NPC1L1: variants seen among roughly 807,000 people sequenced by gnomAD.
NPC1L1 encodes NPC1 like intracellular cholesterol transporter 1, also known as NPC1-like intracellular cholesterol transporter 1.
In NPC1L1, 98 loss-of-function variants were observed where a neutral mutation model predicts 117.0. The ratio of observed to expected loss-of-function variants is 0.84; its 90% CI spans 0.71 to 0.99. The LOEUF (loss-of-function observed/expected upper bound fraction) is 0.99. Ranked by LOEUF, NPC1L1 falls within the 50% of genes least tolerant of loss-of-function variation. The pLI, the probability that NPC1L1 is intolerant of heterozygous loss-of-function variation, is 0.00. For synonymous variants in NPC1L1, 729 were observed against 727.6 expected, an observed-to-expected ratio of 1.00 and a Z score of -0.03; for missense variants, 1,540 against 1,710.0, an observed-to-expected ratio of 0.90 and a Z score of 1.75.
intron 10 of NPC1L1, among the ~76,000 whole-genome samples, chr7:44,524,381 C>G (rs1801445462): frequency 6.6e-6 from 1 of 152,096 alleles, no homozygotes; most frequent in Admixed American, 6.6e-5. Context: ...AAACATGGCC[C>G]ATTCAAAGGG....
intron 8 of NPC1L1, 112 bp downstream of exon 8, chr7:44,533,319 T>C: frequency 7.6e-7 from 1 of 1,311,124 alleles, no homozygotes; most frequent in Non-Finnish European, 1.1e-6. Flanking sequence ...ACAATGCCCC[T>C]GTCCCCCACC....
Position 44,539,750 on chromosome 7 carries a change from A to G in NPC1L1, c.647T>C (p.Leu216Pro), listed in dbSNP as rs1802026096. 6.2e-7 allele frequency: 1 copy of G among 1,614,126 alleles called. No individual in the cohort carries two copies. Among genetic ancestry groups the G allele is most frequent in the African/African-American group, 1.3e-5 (1 of 75,044 alleles). ...CTCCAAGAGGTGGAAGGTGATGTCCAGTGGGGCCAGACCATTGCCTGTGTC... is the reference window on the plus strand; with the variant it reads ...CTCCAAGAGGTGGAAGGTGATGTCCGGTGGGGCCAGACCATTGCCTGTGTC... ...QGDTGNGLAPLDITFHLLEPG... is the reference protein window; with the variant it reads ...QGDTGNGLAPPDITFHLLEPG... Residue 216 changes from leucine to proline, a missense_variant, in exon 2 of 19, where the codon CTG becomes CCG. By Grantham distance (98) the Leu-to-Pro change is moderately conservative. Coordinates refer to ENST00000381160, the MANE Select transcript of NPC1L1 (RefSeq NM_001101648.2). This position sits in a 1 kb window ranked among gnomAD's most constrained non-coding sequence, Gnocchi z 4.4.
At chr7:44,517,040 A>G in intron 15 of NPC1L1, 106 bp from the exon 16 acceptor site, 1 of 1,440,394 alleles carries the variant, frequency 6.9e-7, no homozygotes, top group Non-Finnish European at 9.7e-7. Context: ...GCAGGCTTAT[A>G]TTGGGGTACA....
At position 44,540,161 on chromosome 7, in the gene NPC1L1, G is replaced by T; in HGVS notation, c.236C>A (p.Pro79His). Residue 79 changes from proline (P) to histidine (H), a missense_variant, in exon 2 of 19, where the codon CCC (proline) becomes CAC (histidine). Coordinates refer to ENST00000381160, the MANE Select transcript of NPC1L1 (RefSeq NM_001101648.2). ...DHLILLQKIC[P>H]RLYTGPNTQA... is the part of the protein sequence containing the mutation. Reference sequence around the variant, plus strand: ...GGTGTTGGGGCCGGTGTAGAGGCGGGGGCAGATCTTCTGTAATAGGATCAG... The same window carrying T: ...GGTGTTGGGGCCGGTGTAGAGGCGGTGGCAGATCTTCTGTAATAGGATCAG... The T allele has an allele frequency of 6.2e-7, 1 of 1,614,064 alleles. No homozygotes were observed. Among genetic ancestry groups the T allele is most frequent in the East Asian group, 2.2e-5 (1 of 44,868 alleles).
At position 44,536,544 on chromosome 7, in the gene NPC1L1, CCTT is replaced by C; in HGVS notation, c.1682-119_1682-117del. On this transcript the variant is annotated intron_variant, in intron 3 of 18. Coordinates refer to ENST00000381160, the MANE Select transcript of NPC1L1 (RefSeq NM_001101648.2). This position sits in a 1 kb window ranked among gnomAD's most constrained non-coding sequence, Gnocchi z 4.7. Reference sequence around the variant, plus strand: ...TGCACCCCTCCCATCACCCCTTGCTCCTTCTCCCCCACTCCTTCCTCATCTGAT... The same window carrying C: ...TGCACCCCTCCCATCACCCCTTGCTCCTCCCCCACTCCTTCCTCATCTGAT... The C allele has an allele frequency of 8.7e-7, 1 of 1,155,036 alleles. No homozygotes were observed. Among genetic ancestry groups the C allele is most frequent in the Admixed American group, 1.8e-5 (1 of 54,588 alleles). The allele number at this position is 1,155,036 out of a possible 1,614,324, so 71.5% of individuals were successfully genotyped here.
rs1397468969 is a variant in NPC1L1 at position 44,538,489 on chromosome 7, G to A, written c.1580+328C>T. On this transcript the variant is annotated intron_variant, in intron 2 of 18. Transcript: ENST00000381160. This position sits in a 1 kb window ranked among gnomAD's most constrained non-coding sequence, Gnocchi z 5.9. The stretch of plus-strand genomic sequence containing the variant: ...AATATAAATATGTACTCTGCCAATC[G>A]GGCTCCTCTGTCAGACTTAAAGCAA... 1.3e-5 allele frequency among the ~76,000 whole-genome samples: 2 copies of A among 152,320 alleles called. No individual in the cohort carries two copies. Among genetic ancestry groups the A allele is most frequent in the South Asian group, 2.1e-4 (1 of 4,826 alleles).
intron 18 of NPC1L1, among the ~76,000 whole-genome samples, chr7:44,514,845 T>TA (rs1801136649): frequency 6.6e-6 from 1 of 150,844 alleles, no homozygotes. Context: ...CTACTAAAAA[T>TA]AAAAAATAAA....
In NPC1L1 at chr7:44,539,918, T is replaced by C; in HGVS notation, c.479A>G (p.Tyr160Cys). The change falls in exon 2 of 19, where the codon TAC becomes TGC. Residue 160 changes from tyrosine to cysteine, a missense_variant. Coordinates refer to ENST00000381160, the MANE Select transcript of NPC1L1 (RefSeq NM_001101648.2). This position sits in a 1 kb window ranked among gnomAD's most constrained non-coding sequence, Gnocchi z 4.4. ...GCTCTGCTCGGCAAAGCTATGCTGGTAGAAGGCCTCATAGGCCACCACAGC... is the reference window on the plus strand; with the variant it reads ...GCTCTGCTCGGCAAAGCTATGCTGGCAGAAGGCCTCATAGGCCACCACAGC... ...LPAVVAYEAF[Y>C]QHSFAEQSYD... is the part of the protein sequence containing the mutation. 6.2e-7 allele frequency: 1 copy of C among 1,614,166 alleles called. No homozygotes were observed. Among genetic ancestry groups the C allele is most frequent in the Non-Finnish European group, 8.5e-7 (1 of 1,180,034 alleles).
chr7:44,531,678 C>T, intron 10 of NPC1L1, 77 bp downstream of exon 10: 1 of 1,343,360 alleles, frequency 7.4e-7, no homozygotes, highest in South Asian at 1.3e-5. Flanking sequence ...GGAGGACCCC[C>T]CAACCCATCC....
At chr7:44,519,662 C>A (rs531539414) in intron 14 of NPC1L1, among the ~76,000 whole-genome samples, 2 of 152,306 alleles carry the variant, frequency 1.3e-5, no homozygotes, top group East Asian at 1.9e-4. Flanking sequence ...TCCCTTAGGG[C>A]CCCTACACCG....
At chr7:44,513,798 C>T in intron 18 of NPC1L1, 149 bp from the exon 19 acceptor site, 1 of 897,990 alleles carries the variant, frequency 1.1e-6, no homozygotes. Context: ...TGTTCACAGC[C>T]CAAGCTTCAG....
chr7:44,538,339 CA>C lies in NPC1L1; in HGVS notation c.1580+477del, dbSNP rs1191703557. On this transcript the variant is annotated intron_variant, in intron 2 of 18. Coordinates refer to ENST00000381160, the MANE Select transcript of NPC1L1 (RefSeq NM_001101648.2). This position sits in a 1 kb window ranked among gnomAD's most constrained non-coding sequence, Gnocchi z 5.9. ...GTGGCCTACCCCAGGACACCCGGCC[CA>C]GGTGCCTGAGACCAGCCACGACCTC... is the stretch of plus-strand genomic sequence containing the variant. 3.9e-5 allele frequency among the ~76,000 whole-genome samples: 6 copies of C among 152,366 alleles called. No homozygotes were observed. The East Asian group carries it at 1.2e-3, about 29-fold the overall frequency.
In NPC1L1 at chr7:44,536,494, C is replaced by A; in HGVS notation, c.1682-66G>T. On this transcript the variant is annotated intron_variant, in intron 3 of 18. Transcript: ENST00000381160. The surrounding 1 kb of genome is among the most constrained non-coding windows in gnomAD (Gnocchi z 4.7). ...GCCTCCCTCCCCCTCCAGCTGCACC[C>A]CTATATTCCCTCCCCCTATCTAGCT... The A allele has an allele frequency of 6.5e-7, 1 of 1,546,930 alleles. No individual in the cohort carries two copies.
chr7:44,534,089 G>C lies in NPC1L1; in HGVS notation c.2167-236C>G, dbSNP rs1801788433. On this transcript the variant is annotated intron_variant, in intron 6 of 18. Transcript: ENST00000381160. This position sits in a 1 kb window ranked among gnomAD's most constrained non-coding sequence, Gnocchi z 5.2. ...CTATAGCATCCCTGTTCCAAGCACTGTTGGAACCCTAATTGTTCACCAACA... is the reference window on the plus strand; with the variant it reads ...CTATAGCATCCCTGTTCCAAGCACTCTTGGAACCCTAATTGTTCACCAACA... 6.6e-6 allele frequency among the ~76,000 whole-genome samples: 1 copy of C among 152,162 alleles called. No homozygotes were observed. Among genetic ancestry groups the C allele is most frequent in the Non-Finnish European group, 1.5e-5 (1 of 68,024 alleles).
At chr7:44,519,812 CT>C (rs1380960877) in intron 14 of NPC1L1, among the ~76,000 whole-genome samples, 94 of 146,558 alleles carry the variant, frequency 6.4e-4, no homozygotes, top group Middle Eastern at 3.6e-3. Flanking sequence ...TTTTTTCTTT[CT>C]TTTTTTTTTT....
At chr7:44,527,900 C>T (rs1801575464) in intron 10 of NPC1L1, among the ~76,000 whole-genome samples, 1 of 152,176 alleles carries the variant, frequency 6.6e-6, no homozygotes, top group South Asian at 2.1e-4. Context: ...TCCCAGCTCA[C>T]TGCAACCTCT....
Position 44,539,535 on chromosome 7 carries a change from T to G in NPC1L1, c.862A>C (p.Ile288Leu), listed in dbSNP as rs750135170. ...GCGAAGACAGAGCAGAGGATGATGA[T>G]GAGGACCAGACTGCCCGGCATCTGG... Reference protein sequence around the residue: ...LGQMPGSLVLIIILCSVFAVV... With the variant: ...LGQMPGSLVLLIILCSVFAVV... The change falls in exon 2 of 19, where the codon ATC becomes CTC. Residue 288 changes from isoleucine to leucine, a missense_variant. Transcript: ENST00000381160. The surrounding 1 kb of genome is among the most constrained non-coding windows in gnomAD (Gnocchi z 4.4). 7.4e-6 allele frequency: 12 copies of G among 1,613,700 alleles called. No homozygotes were observed. Among genetic ancestry groups the G allele is most frequent in the East Asian group, 2.2e-5 (1 of 44,876 alleles).
intron 8 of NPC1L1, chr7:44,533,225 G>T: frequency 1.8e-6 from 1 of 546,526 alleles, no homozygotes; most frequent in Non-Finnish European, 3.2e-6. Context: ...TAGGAGGTTT[G>T]ATTATATTTA....
At position 44,538,721 on chromosome 7, in the gene NPC1L1, A is replaced by G. The variant is rs562557535; in HGVS notation, c.1580+96T>C. ...TAGGAATAGCTACCTCTGGTCCTTC[A>G]GGACCAGCTGTATGCCCGGCCAGGT... On this transcript the variant is annotated intron_variant, in intron 2 of 18. Coordinates refer to ENST00000381160, the MANE Select transcript of NPC1L1 (RefSeq NM_001101648.2). This position sits in a 1 kb window ranked among gnomAD's most constrained non-coding sequence, Gnocchi z 5.9. The G allele has an allele frequency of 1.7e-5, 21 of 1,256,736 alleles. No homozygotes were observed. In the East Asian group the frequency reaches 2.1e-4, roughly 12 times the overall value. The allele number at this position is 1,256,736 out of a possible 1,614,324, so 77.8% of individuals were successfully genotyped here.
Sources: allele counts gnomAD v4.1 joint callset (sites outside exome capture counted in the v4.1 genomes callset), GRCh38; gene constraint gnomAD v4.1.1; non-coding constraint Gnocchi (gnomAD v3.1); transcripts MANE v1.5; gene names NCBI Gene and HGNC (gene_info 2026-07-23, HGNC 2026-07-21).